Variants in PTPRK observed in about 807,000 individuals in gnomAD.
PTPRK encodes receptor-type tyrosine-protein phosphatase kappa.
A neutral mutation model predicts 178.0 loss-of-function variants in PTPRK; 75 were observed. The observed-to-expected ratio is 0.42, with a 90% CI of 0.35 to 0.51. The LOEUF (loss-of-function observed/expected upper bound fraction) is 0.51. Ranked by LOEUF, PTPRK falls within the 20% of genes least tolerant of loss-of-function variation. The pLI is 0.02. For synonymous variants in PTPRK, 637 were observed against 620.6 expected (o/e 1.03, Z -0.39); for missense variants, 1,441 against 1,797.8 (o/e 0.80, Z 3.59).
At chr6:128,478,310 C>T (rs903790318) in intron 1 of PTPRK, among the ~76,000 whole-genome samples, 2 of 152,058 alleles carry the variant, frequency 1.3e-5, no homozygotes, top group Non-Finnish European at 2.9e-5. Flanking sequence ...TCACTGGATC[C>T]ATTCTGGACC....
chr6:128,404,011 C>T (rs368670586), intron 1 of PTPRK, among the ~76,000 whole-genome samples: 1 of 152,196 alleles, frequency 6.6e-6, no homozygotes, highest in South Asian at 2.1e-4. Flanking sequence ...ATTCACAAAA[C>T]AGGCCACAGT....
At chr6:128,319,935 GCTCTC>G (rs1828559692) in intron 3 of PTPRK, among the ~76,000 whole-genome samples, 1 of 152,126 alleles carries the variant, frequency 6.6e-6, no homozygotes, top group African/African-American at 2.4e-5. Flanking sequence ...TCTGTTGTTT[GCTCTC>G]ATTGATTAAG....
chr6:128,212,534 C>G (rs1169066546), intron 6 of PTPRK, among the ~76,000 whole-genome samples: 4 of 151,938 alleles, frequency 2.6e-5, no homozygotes, highest in Non-Finnish European at 5.9e-5. Context: ...TCACAAACTC[C>G]AAGAGAAGAG....
chr6:128,048,753 T>A (rs998581025), intron 13 of PTPRK, among the ~76,000 whole-genome samples: 6 of 152,174 alleles, frequency 3.9e-5, no homozygotes, highest in African/African-American at 1.4e-4. Flanking sequence ...TGTACATAGG[T>A]TACAGGCAAA....
chr6:128,159,922 A>G (rs1360486360), intron 7 of PTPRK, among the ~76,000 whole-genome samples: 1 of 151,734 alleles, frequency 6.6e-6, no homozygotes, highest in Non-Finnish European at 1.5e-5. Context: ...AGGTCTAAAA[A>G]CAGGTAAAAT....
intron 1 of PTPRK, among the ~76,000 whole-genome samples, chr6:128,416,610 T>C (rs970102850): frequency 6.8e-6 from 1 of 147,254 alleles, no homozygotes; most frequent in Admixed American, 6.9e-5. Context: ...ATCACGCCAC[T>C]GCAGTCCAGC....
At chr6:128,001,537 C>T (rs1777834576) in intron 15 of PTPRK, among the ~76,000 whole-genome samples, 1 of 151,858 alleles carries the variant, frequency 6.6e-6, no homozygotes, top group African/African-American at 2.4e-5. Flanking sequence ...GACTTTATGA[C>T]TCTATTGTGT....
intron 2 of PTPRK, among the ~76,000 whole-genome samples, chr6:128,363,184 G>A (rs1349698869): frequency 6.6e-6 from 1 of 152,098 alleles, no homozygotes; most frequent in African/African-American, 2.4e-5. Context: ...CCTGCTTGCA[G>A]TTAGATGGTA....
intron 6 of PTPRK, among the ~76,000 whole-genome samples, chr6:128,207,212 C>G (rs1807134749): frequency 6.6e-6 from 1 of 152,144 alleles, no homozygotes; most frequent in Non-Finnish European, 1.5e-5. Flanking sequence ...GTCCTGGACT[C>G]TCACATTACT....
chr6:127,998,714 A>G lies in PTPRK; in HGVS notation c.2679+6T>C, dbSNP rs769701679. 6.8e-5 allele frequency: 106 copies of G among 1,551,650 alleles called. No homozygotes were observed. Among genetic ancestry groups the G allele is most frequent in the Non-Finnish European group, 9.2e-5 (105 of 1,143,680 alleles). ...CAAATTCAATACAGTATCAAAACTT[A>G]TTCACCTCATATTCCTCTTTGAACC... On this transcript the variant is annotated splice_donor_region_variant and intron_variant, in intron 16 of 29. Transcript: ENST00000368226.
chr6:127,992,201 A>G (rs965030140), intron 19 of PTPRK, among the ~76,000 whole-genome samples: 14 of 151,788 alleles, frequency 9.2e-5, no homozygotes, highest in Admixed American at 7.9e-4. Flanking sequence ...TTCCATGAAG[A>G]ATTAACTTGA....
At chr6:128,488,116 G>T (rs955948510) in intron 1 of PTPRK, among the ~76,000 whole-genome samples, 2 of 152,136 alleles carry the variant, frequency 1.3e-5, no homozygotes, top group Admixed American at 6.5e-5. Flanking sequence ...TCAGTCTGTG[G>T]CCACAGATCT....
intron 2 of PTPRK, among the ~76,000 whole-genome samples, chr6:128,346,141 G>A (rs1832406304): frequency 3.3e-5 from 5 of 152,008 alleles, no homozygotes; most frequent in Admixed American, 3.3e-4. Flanking sequence ...TTATATTACT[G>A]ATGTCTTCCC....
chr6:128,025,683 C>T (rs539468329), intron 13 of PTPRK, among the ~76,000 whole-genome samples: 2 of 152,146 alleles, frequency 1.3e-5, no homozygotes, highest in Non-Finnish European at 2.9e-5. Flanking sequence ...TAGGGTTACC[C>T]TCGCTGCTGA....
intron 2 of PTPRK, among the ~76,000 whole-genome samples, chr6:128,356,820 CTA>C (rs970346219): frequency 3.6e-4 from 55 of 152,296 alleles, no homozygotes; most frequent in African/African-American, 1.2e-3. Flanking sequence ...TTTATTCATT[CTA>C]TGTCACTCAG....
chr6:128,123,431 C>A (rs1314414678), intron 7 of PTPRK, among the ~76,000 whole-genome samples: 2 of 152,030 alleles, frequency 1.3e-5, no homozygotes, highest in East Asian at 3.9e-4. Flanking sequence ...TTTTAAAGGT[C>A]AGGCCTGCAT....
At chr6:128,215,006 C>G (rs1211420062) in intron 6 of PTPRK, among the ~76,000 whole-genome samples, 4 of 152,074 alleles carry the variant, frequency 2.6e-5, no homozygotes, top group Non-Finnish European at 5.9e-5. Context: ...ACTTCTGTGT[C>G]CAGAGCATTT....
intron 7 of PTPRK, among the ~76,000 whole-genome samples, chr6:128,117,039 G>A (rs1230199609): frequency 3.9e-5 from 6 of 151,990 alleles, no homozygotes; most frequent in South Asian, 2.1e-4. Flanking sequence ...CCAGCTGCTC[G>A]GGAGGCGGAG....
At chr6:128,248,848 T>G (rs1815952645) in intron 3 of PTPRK, among the ~76,000 whole-genome samples, 1 of 152,210 alleles carries the variant, frequency 6.6e-6, no homozygotes, top group African/African-American at 2.4e-5. Context: ...ATTTTTCTTA[T>G]TACTTTTAAG....
Sources: gnomAD v4.1 joint callset for allele counts (sites outside exome capture counted in the v4.1 genomes callset) on GRCh38, gnomAD v4.1.1 for gene constraint, MANE v1.5 for transcripts, NCBI Gene and HGNC (gene_info 2026-07-23, HGNC 2026-07-21) for gene names.